Variants in ALK observed in about 807,000 individuals in gnomAD.
ALK encodes ALK tyrosine kinase receptor.
ALK carries 74 observed loss-of-function variants against 163.1 expected under a neutral mutation model. The observed-to-expected ratio is 0.45, with a 90% CI of 0.38 to 0.55. The LOEUF is 0.55. Ranked by LOEUF, ALK falls within the 20% of genes least tolerant of loss-of-function variation. ALK has a pLI of 0.00. For synonymous variants in ALK, 960 were observed against 843.2 expected (o/e 1.14, Z -2.40); for missense variants, 2,063 against 2,105.3 (o/e 0.98, Z 0.39).
At chr2:29,329,163 T>C (rs1301486893) in intron 5 of ALK, among the ~76,000 whole-genome samples, 1 of 152,140 alleles carries the variant, frequency 6.6e-6, no homozygotes, top group East Asian at 1.9e-4. Flanking sequence ...TCCTAGATAA[T>C]TAATTTTATC....
chr2:29,571,330 C>G (rs1383764910), intron 3 of ALK, among the ~76,000 whole-genome samples: 3 of 152,076 alleles, frequency 2.0e-5, no homozygotes, highest in Non-Finnish European at 4.4e-5. Context: ...CCCCACATGT[C>G]GAGGGAGGGA....
intron 3 of ALK, among the ~76,000 whole-genome samples, chr2:29,672,032 A>G (rs1178280945): frequency 6.7e-6 from 1 of 149,566 alleles, no homozygotes; most frequent in Non-Finnish European, 1.5e-5. Flanking sequence ...ATAGTTTGGT[A>G]TACATGCTTC....
At chr2:29,729,334 G>A (rs1231761351) in intron 1 of ALK, among the ~76,000 whole-genome samples, 1 of 152,136 alleles carries the variant, frequency 6.6e-6, no homozygotes, top group Non-Finnish European at 1.5e-5. Context: ...GGGAGAGCAG[G>A]GAGAGAGAGA....
At chr2:29,502,927 C>T (rs1303602595) in intron 4 of ALK, among the ~76,000 whole-genome samples, 1 of 152,026 alleles carries the variant, frequency 6.6e-6, no homozygotes, top group Non-Finnish European at 1.5e-5. Context: ...TGCAGTGAAT[C>T]CAAAAGCAAA....
At chr2:29,204,012 T>A (rs1288481089) in intron 26 of ALK, among the ~76,000 whole-genome samples, 2 of 152,146 alleles carry the variant, frequency 1.3e-5, no homozygotes, top group Admixed American at 1.3e-4. Context: ...ATATTTTCCA[T>A]CTCTTTTTAG....
intron 1 of ALK, among the ~76,000 whole-genome samples, chr2:29,822,368 A>T (rs1326612152): frequency 6.6e-6 from 1 of 152,268 alleles, no homozygotes; most frequent in Non-Finnish European, 1.5e-5. Flanking sequence ...AGACAAAGGC[A>T]GAACAAGTTT....
chr2:29,345,221 T>C (rs887043865), intron 5 of ALK, among the ~76,000 whole-genome samples: 1 of 151,758 alleles, frequency 6.6e-6, no homozygotes, highest in Non-Finnish European at 1.5e-5. Flanking sequence ...TAGTAAAACC[T>C]TGTCTCTACT....
intron 1 of ALK, among the ~76,000 whole-genome samples, chr2:29,919,632 A>G (rs908920539): frequency 3.3e-5 from 5 of 152,176 alleles, no homozygotes; most frequent in Admixed American, 2.6e-4. Flanking sequence ...TTTGACATCT[A>G]CTACTAAGCT....
intron 2 of ALK, among the ~76,000 whole-genome samples, chr2:29,702,529 G>A (rs189285780): frequency 6.6e-6 from 1 of 152,308 alleles, no homozygotes; most frequent in Non-Finnish European, 1.5e-5. Flanking sequence ...GGCTCAGGAA[G>A]CCAAAGCCAC....
rs1318926775 is a variant in ALK, at chr2:29,193,525, G to T, written c.4562C>A (p.Pro1521His). The change falls in exon 29 of 29, where the codon CCT becomes CAT. Residue 1521 changes from proline to histidine, a missense_variant. Coordinates refer to ENST00000389048, the MANE Select transcript of ALK (RefSeq NM_004304.5). Reference sequence around the variant, plus strand: ...GTCGTGTGGCTCCTTCTTTGCTATAGGATTATTCTTTTTGGTGGGTTTCTC... The same window carrying T: ...GTCGTGTGGCTCCTTCTTTGCTATATGATTATTCTTTTTGGTGGGTTTCTC... ...FTEKPTKKNN[P>H]IAKKEPHDRG... is the part of the protein sequence containing the mutation. The T allele has an allele frequency of 1.9e-6, 3 of 1,614,216 alleles. No individual in the cohort carries two copies. Among genetic ancestry groups the T allele is most frequent in the South Asian group, 1.1e-5 (1 of 91,084 alleles).
chr2:29,361,182 G>A (rs1668380362), intron 5 of ALK, among the ~76,000 whole-genome samples: 1 of 152,242 alleles, frequency 6.6e-6, no homozygotes, highest in South Asian at 2.1e-4. Context: ...GTGCTATTAG[G>A]AGTGGTGACA....
At position 29,656,866 on chromosome 2, in the gene ALK, C is replaced by T. The variant is rs543168063; in HGVS notation, c.952+37984G>A. ...TCATTCTCCATCCTACTACTCCATC[C>T]CTTTTTGCAGGGAAAAAAAACTGTT... On this transcript the variant is annotated intron_variant, in intron 3 of 28. Coordinates refer to ENST00000389048, the MANE Select transcript of ALK (RefSeq NM_004304.5). Among the ~76,000 whole-genome samples the T allele has an allele frequency of 2.0e-5, 3 of 152,264 alleles. No individual in the cohort carries two copies. The South Asian group carries it at 6.2e-4, about 32-fold the overall frequency.
chr2:29,550,370 C>T (rs1673682624), intron 3 of ALK, among the ~76,000 whole-genome samples: 1 of 152,140 alleles, frequency 6.6e-6, no homozygotes, highest in East Asian at 1.9e-4. Flanking sequence ...TAGAGCCTTT[C>T]CCTGGACCTT....
chr2:29,547,386 C>T (rs1163112173), intron 3 of ALK, among the ~76,000 whole-genome samples: 1 of 152,170 alleles, frequency 6.6e-6, no homozygotes, highest in East Asian at 1.9e-4. Context: ...TGCCTCAGCT[C>T]AGGAGTTCGA....
intron 3 of ALK, among the ~76,000 whole-genome samples, chr2:29,592,437 T>C (rs1438601290): frequency 6.6e-6 from 1 of 152,144 alleles, no homozygotes; most frequent in African/African-American, 2.4e-5. Context: ...AGTTGCAAAG[T>C]ATCCCTCTCG....
chr2:29,339,818 A>G (rs895920275), intron 5 of ALK, among the ~76,000 whole-genome samples: 1 of 152,144 alleles, frequency 6.6e-6, no homozygotes, highest in African/African-American at 2.4e-5. Context: ...GTCTGACATG[A>G]CAGAGCCTAT....
chr2:29,365,047 C>A (rs1342060479), intron 5 of ALK, among the ~76,000 whole-genome samples: 1 of 152,164 alleles, frequency 6.6e-6, no homozygotes, highest in Non-Finnish European at 1.5e-5. Context: ...AATACCAATG[C>A]TCAGAGAGGT....
At chr2:29,513,199 C>G (rs1672571633) in intron 4 of ALK, among the ~76,000 whole-genome samples, 1 of 143,886 alleles carries the variant, frequency 6.9e-6, no homozygotes, top group Non-Finnish European at 1.5e-5. Flanking sequence ...CAAGTCAATC[C>G]TAAGCCAAAA....
chr2:29,467,872 T>C (rs1398591217), intron 4 of ALK, among the ~76,000 whole-genome samples: 2 of 152,202 alleles, frequency 1.3e-5, no homozygotes, highest in Non-Finnish European at 2.9e-5. Context: ...TGGTTACTGT[T>C]TATTAAAATA....
Sources: allele counts gnomAD v4.1 joint callset (sites outside exome capture counted in the v4.1 genomes callset), GRCh38; gene constraint gnomAD v4.1.1; transcripts MANE v1.5; gene names NCBI Gene and HGNC (gene_info 2026-07-23, HGNC 2026-07-21).